TMCO4: variants seen among roughly 807,000 people sequenced by gnomAD.
The protein encoded by TMCO4 is transmembrane and coiled-coil domains 4.
In TMCO4, 58 loss-of-function variants were observed where a neutral mutation model predicts 64.7. That is an observed-to-expected ratio of 0.90 (90% confidence interval 0.73 to 1.12). The LOEUF (loss-of-function observed/expected upper bound fraction) is 1.12, where lower values mean the gene tolerates loss of function less well. TMCO4 is among the 50% of genes most tolerant of loss of function. The pLI, the probability that TMCO4 is intolerant of heterozygous loss-of-function variation, is 0.00. For missense variants in TMCO4, 780 were observed against 825.9 expected (o/e 0.94, Z 0.68); for synonymous variants, 325 against 346.1 (o/e 0.94, Z 0.68).
rs1456322271 is a variant in TMCO4, at chr1:19,746,582, C to T, written c.631G>A (p.Ala211Thr). The change falls in exon 9 of 16, where the codon GCT becomes ACT. Residue 211 changes from alanine (A) to threonine (T), a missense_variant. Ala to Thr is a moderately conservative substitution (Grantham distance 58, BLOSUM62 0). Transcript: ENST00000294543. ...GTVIGVTGGLAAPLVAAGAAT... is the reference protein window; with the variant it reads ...GTVIGVTGGLTAPLVAAGAAT... Reference sequence around the variant, plus strand: ...GCTCCAGCGGCAACAAGGGGTGCAGCTAGACCTCCAGTCACACCTGTGGGA... The same window carrying T: ...GCTCCAGCGGCAACAAGGGGTGCAGTTAGACCTCCAGTCACACCTGTGGGA... 6.2e-7 allele frequency: 1 copy of T among 1,610,428 alleles called. No homozygotes were observed. Among genetic ancestry groups the T allele is most frequent in the Admixed American group, 1.7e-5 (1 of 59,564 alleles).
chr1:19,768,752 C>T (rs555875289), intron 6 of TMCO4, among the ~76,000 whole-genome samples: 88 of 152,278 alleles, frequency 5.8e-4, no homozygotes, highest in African/African-American at 2.0e-3. Flanking sequence ...CTTAGAGCAG[C>T]GCTCCTCTAA....
chr1:19,753,090 G>A (rs1161339409), intron 7 of TMCO4, among the ~76,000 whole-genome samples: 2 of 151,828 alleles, frequency 1.3e-5, no homozygotes, highest in African/African-American at 4.8e-5. Flanking sequence ...CTCCCATGTA[G>A]CTGGGATTAC....
At chr1:19,780,790 G>A (rs775455903) in intron 3 of TMCO4, 24 bp from the exon 4 acceptor site, 1 of 1,534,820 alleles carries the variant, frequency 6.5e-7, no homozygotes, top group South Asian at 1.2e-5. Flanking sequence ...TTCCCAGTGA[G>A]AAATGCTTCC....
chr1:19,741,624 T>A (rs2095479513), intron 10 of TMCO4, among the ~76,000 whole-genome samples: 1 of 151,960 alleles, frequency 6.6e-6, no homozygotes, highest in African/African-American at 2.4e-5. Flanking sequence ...GCCTCCCTCA[T>A]CCCCTCCTTC....
chr1:19,782,909 G>A (rs1387482479), intron 3 of TMCO4, among the ~76,000 whole-genome samples: 1 of 152,196 alleles, frequency 6.6e-6, no homozygotes, highest in Admixed American at 6.5e-5. Context: ...TTCACCTACA[G>A]ATGGGACCAT....
intron 13 of TMCO4, among the ~76,000 whole-genome samples, chr1:19,726,997 T>C (rs2095411605): frequency 6.6e-6 from 1 of 152,158 alleles, no homozygotes; most frequent in Non-Finnish European, 1.5e-5. Context: ...TCAATAACAG[T>C]TGGGAAAATC....
intron 11 of TMCO4, 63 bp downstream of exon 11, chr1:19,740,714 A>T: frequency 6.5e-7 from 1 of 1,533,462 alleles, no homozygotes; most frequent in Non-Finnish European, 8.9e-7. Flanking sequence ...AAACTATGGT[A>T]CCACTGTGTT....
intron 13 of TMCO4, among the ~76,000 whole-genome samples, chr1:19,726,136 C>T (rs985124053): frequency 2.0e-5 from 3 of 152,186 alleles, no homozygotes; most frequent in Admixed American, 6.5e-5. Context: ...GCCTGGTGAT[C>T]GTGAGTGTGT....
chr1:19,726,628 G>A (rs180807705), intron 13 of TMCO4, among the ~76,000 whole-genome samples: 15 of 152,298 alleles, frequency 9.8e-5, no homozygotes, highest in Admixed American at 5.9e-4. Context: ...GATTAAATAA[G>A]GCATGTGAAG....
intron 2 of TMCO4, among the ~76,000 whole-genome samples, chr1:19,794,851 A>G (rs1487349128): frequency 6.6e-6 from 1 of 152,260 alleles, no homozygotes; most frequent in East Asian, 1.9e-4. Context: ...TTACAACACG[A>G]ATGAACCTTG....
intron 5 of TMCO4, among the ~76,000 whole-genome samples, chr1:19,770,944 CTACCAAGGT>C (rs2042952949): frequency 6.6e-6 from 1 of 152,188 alleles, no homozygotes; most frequent in Non-Finnish European, 1.5e-5. Context: ...TGGAGTCAGA[CTACCAAGGT>C]TCAAATCCTG....
At chr1:19,787,646 C>T (rs1247978668) in intron 2 of TMCO4, among the ~76,000 whole-genome samples, 2 of 152,246 alleles carry the variant, frequency 1.3e-5, no homozygotes, top group African/African-American at 4.8e-5. Context: ...GGCCAAGCAT[C>T]TGGAATTACC....
Position 19,683,019 on chromosome 1 carries a change from G to A in TMCO4, c.*21C>T, listed in dbSNP as rs749113497. ...GCTGCATATGGAGACTGGGGAAGAC[G>A]GCTCAGGTCCCCTGCTGTGGTCAGT... On this transcript the variant is annotated 3_prime_UTR_variant, in exon 16 of 16. Coordinates refer to ENST00000294543, the MANE Select transcript of TMCO4 (RefSeq NM_181719.7). 22 of 1,536,018 alleles carry A rather than the reference G, an allele frequency of 1.4e-5. No individual in the cohort carries two copies. The East Asian group carries it at 2.9e-4, about 20-fold the overall frequency.
intron 15 of TMCO4, among the ~76,000 whole-genome samples, chr1:19,688,676 C>T (rs1406744329): frequency 6.6e-6 from 1 of 152,208 alleles, no homozygotes; most frequent in Non-Finnish European, 1.5e-5. Context: ...TCCGGCTCTA[C>T]CACTCACATG....
At chr1:19,755,976 G>A (rs1331023284) in intron 6 of TMCO4, among the ~76,000 whole-genome samples, 1 of 152,108 alleles carries the variant, frequency 6.6e-6, no homozygotes, top group Admixed American at 6.6e-5. Context: ...GCTGGGTACG[G>A]TGGCTCACTC....
intron 3 of TMCO4, 101 bp from the exon 4 acceptor site, chr1:19,780,867 G>A: frequency 9.8e-7 from 1 of 1,018,290 alleles, no homozygotes; most frequent in East Asian, 2.7e-5. Flanking sequence ...GATAAAGTAG[G>A]CATCATTAAA....
chr1:19,754,885 T>C (rs1278201565), intron 7 of TMCO4, among the ~76,000 whole-genome samples: 1 of 152,144 alleles, frequency 6.6e-6, no homozygotes, highest in Non-Finnish European at 1.5e-5. Flanking sequence ...TTCTTCCTAA[T>C]GATCCTGGGA....
chr1:19,727,550 G>A (rs1217875022), intron 13 of TMCO4, among the ~76,000 whole-genome samples: 1 of 152,238 alleles, frequency 6.6e-6, no homozygotes, highest in Non-Finnish European at 1.5e-5. Flanking sequence ...AGCTAGTGGA[G>A]TGAATTTGAT....
chr1:19,733,191 T>C (rs1570801862), intron 13 of TMCO4, among the ~76,000 whole-genome samples: 1 of 152,006 alleles, frequency 6.6e-6, no homozygotes, highest in South Asian at 2.1e-4. Context: ...TGCTTGAACC[T>C]GGGAGGCAGA....
Sources: gnomAD v4.1 joint callset for allele counts (sites outside exome capture counted in the v4.1 genomes callset) on GRCh38, gnomAD v4.1.1 for gene constraint, MANE v1.5 for transcripts, NCBI Gene and HGNC (gene_info 2026-07-23, HGNC 2026-07-21) for gene names.